PCM1: variants seen among roughly 807,000 people sequenced by gnomAD.
PCM1 encodes the protein pericentriolar material 1 protein.
In PCM1, 157 loss-of-function variants were observed where a neutral mutation model predicts 241.9. The ratio of observed to expected loss-of-function variants is 0.65; its 90% CI spans 0.57 to 0.74. The LOEUF (loss-of-function observed/expected upper bound fraction) is 0.74. PCM1 is among the 30% of genes least tolerant of loss of function. The probability of loss-of-function intolerance (pLI) is 0.00; values close to 1 mark genes in which losing one functional copy is unlikely to be tolerated. For missense variants in PCM1, 3,478 were observed against 2,360.1 expected (o/e 1.47, Z -9.81); for synonymous variants, 1,085 against 784.9 (o/e 1.38, Z -6.39).
chr8:18,028,434 T>A lies in PCM1; in HGVS notation c.*772T>A. Reference sequence around the variant, plus strand: ...GAGATTTCTGCACAGAGAAGTAACATTGTGGTTAATTTTAAATGAAAAACT... The same window carrying A: ...GAGATTTCTGCACAGAGAAGTAACAATGTGGTTAATTTTAAATGAAAAACT... On this transcript the variant is annotated 3_prime_UTR_variant, in exon 39 of 39. Coordinates refer to ENST00000325083, the MANE Select transcript of PCM1 (RefSeq NM_006197.4). 5.2e-6 allele frequency: 1 copy of A among 193,300 alleles called. No individual in the cohort carries two copies. The highest frequency in any genetic ancestry group is 1.1e-5 in the Non-Finnish European group (1 of 92,528). The allele number at this position is 193,300 out of a possible 1,614,324, so 12.0% of individuals were successfully genotyped here. A position where few individuals can be genotyped will look rare whatever the true frequency, so the allele number is the denominator to read the frequency against.
Position 17,960,454 on chromosome 8 carries a change from A to C in PCM1, c.2322+10A>C, listed in dbSNP as rs1378249440. On this transcript the variant is annotated intron_variant, in intron 15 of 38. Coordinates refer to ENST00000325083, the MANE Select transcript of PCM1 (RefSeq NM_006197.4). ...ATGCCCTGACTTACAGGTAATTATGAAATTTATTTCTAATTGTCTGAAAAA... is the reference window on the plus strand; with the variant it reads ...ATGCCCTGACTTACAGGTAATTATGCAATTTATTTCTAATTGTCTGAAAAA... 2.5e-6 allele frequency: 4 copies of C among 1,572,976 alleles called. No homozygotes were observed. The highest frequency in any genetic ancestry group is 2.8e-5 in the African/African-American group (2 of 71,614).
chr8:18,021,639 G>A (rs2093763105), intron 36 of PCM1, among the ~76,000 whole-genome samples: 1 of 152,170 alleles, frequency 6.6e-6, no homozygotes, highest in African/African-American at 2.4e-5. Context: ...CAAACTCGGT[G>A]GCACTACCAT....
At chr8:17,966,292 C>T (rs1351652208) in intron 19 of PCM1, 36 bp from the exon 20 acceptor site, 9 of 1,609,756 alleles carry the variant, frequency 5.6e-6, no homozygotes, top group East Asian at 2.2e-5. Context: ...TTTCTCAAGT[C>T]ATCAGTAACT....
chr8:17,962,155 C>G lies in PCM1; in HGVS notation c.2444C>G (p.Ser815Cys), dbSNP rs368314134. The G allele has an allele frequency of 5.7e-5, 92 of 1,606,568 alleles. No individual in the cohort carries two copies. In the African/African-American group the frequency reaches 1.1e-3, roughly 19 times the overall value. ...TSKSVFEPED[S>C]SIVDNELWSE... ...AAATCTGTTTTTGAGCCTGAAGATT[C>G]TTCAATAGTAGATAATGAGGTATTG... is the stretch of plus-strand genomic sequence containing the variant. The change falls in exon 16 of 39, where the codon TCT becomes TGT. Residue 815 changes from serine to cysteine, a missense_variant. Transcript: ENST00000325083.
At chr8:17,987,383 G>A (rs2082956529) in intron 26 of PCM1, among the ~76,000 whole-genome samples, 1 of 151,714 alleles carries the variant, frequency 6.6e-6, no homozygotes, top group South Asian at 2.1e-4. Context: ...TAATTCCAGT[G>A]CTTTCACTTT....
chr8:17,953,258 G>C, intron 9 of PCM1, 72 bp downstream of exon 9: 2 of 724,084 alleles, frequency 2.8e-6, no homozygotes, highest in South Asian at 2.7e-5. Flanking sequence ...AATAAATTTA[G>C]TATTTGGTGA....
At chr8:18,005,937 A>C (rs2091177301) in intron 29 of PCM1, 1 of 195,332 alleles carries the variant, frequency 5.1e-6, no homozygotes. Context: ...AAACAGAAAG[A>C]TTGGCAAAAT....
intron 36 of PCM1, among the ~76,000 whole-genome samples, chr8:18,021,873 G>A (rs764216448): frequency 6.6e-6 from 1 of 152,120 alleles, no homozygotes; most frequent in Non-Finnish European, 1.5e-5. Flanking sequence ...ACCTGTATTT[G>A]TTAGCTCTGA....
intron 29 of PCM1, among the ~76,000 whole-genome samples, chr8:17,997,753 C>T (rs2087438203): frequency 6.6e-6 from 1 of 151,694 alleles, no homozygotes; most frequent in Non-Finnish European, 1.5e-5. Flanking sequence ...CGGCCAGGTG[C>T]TATGGCTCAC....
At position 18,029,156 on chromosome 8, in the gene PCM1, CAAAAAAAAAA is replaced by C. The variant is rs11333913; in HGVS notation, c.*1511_*1520del. The C allele has an allele frequency of 6.9e-4, 39 of 56,404 alleles. No homozygotes were observed. The highest frequency in any genetic ancestry group is 0.013 in the Middle Eastern group (1 of 76). The allele number at this position is 56,404 out of a possible 1,614,324, so 3.5% of individuals were successfully genotyped here. A position where few individuals can be genotyped will look rare whatever the true frequency, so the allele number is the denominator to read the frequency against. On this transcript the variant is annotated 3_prime_UTR_variant, in exon 39 of 39. Coordinates refer to ENST00000325083, the MANE Select transcript of PCM1 (RefSeq NM_006197.4). Reference sequence around the variant, plus strand: ...CTGGCAACAGAGCGAGACTCTGTCTCAAAAAAAAAAAAAAAAAAAAAAAAAAGTTAACTTG... The same window carrying C: ...CTGGCAACAGAGCGAGACTCTGTCTCAAAAAAAAAAAAAAAAGTTAACTTG...
chr8:17,960,428 C>T lies in PCM1; in HGVS notation c.2306C>T (p.Ala769Val). Reference protein sequence around the residue: ...IQEKIQALQTACPDLQLSAAS... With the variant: ...IQEKIQALQTVCPDLQLSAAS... ...GAGAAAATTCAAGCATTGCAAACGG[C>T]ATGCCCTGACTTACAGGTAATTATG... The change falls in exon 15 of 39, where the codon GCA (alanine) becomes GTA (valine). Residue 769 changes from alanine (A) to valine (V), a missense_variant. By Grantham distance (64) the Ala-to-Val change is moderately conservative. Transcript: ENST00000325083. The T allele has an allele frequency of 6.3e-7, 1 of 1,596,920 alleles. No homozygotes were observed. The highest frequency in any genetic ancestry group is 8.5e-7 in the Non-Finnish European group (1 of 1,174,240).
chr8:18,006,209 C>CT, intron 29 of PCM1, 54 bp from the exon 30 acceptor site: 1 of 1,407,446 alleles, frequency 7.1e-7, no homozygotes, highest in Non-Finnish European at 9.6e-7. Context: ...GATTGATTTT[C>CT]TTTTTTTAAA....
chr8:18,004,940 C>T (rs2090819956), intron 29 of PCM1, among the ~76,000 whole-genome samples: 2 of 152,186 alleles, frequency 1.3e-5, no homozygotes, highest in Admixed American at 1.3e-4. Context: ...TGCTTTCCCC[C>T]TCTAGCTACT....
chr8:17,985,780 C>G (rs766239236), intron 25 of PCM1, among the ~76,000 whole-genome samples, 161 bp downstream of exon 25: 6 of 151,704 alleles, frequency 4.0e-5, no homozygotes, highest in East Asian at 1.9e-4. Context: ...GCTTAAGTAG[C>G]ATTAAAGTAT....
At chr8:17,934,540 C>T (rs112341856) in intron 2 of PCM1, among the ~76,000 whole-genome samples, 4 of 152,164 alleles carry the variant, frequency 2.6e-5, no homozygotes, top group East Asian at 1.9e-4. Flanking sequence ...GGATTACAGG[C>T]GTGAGCCACT....
intron 35 of PCM1, among the ~76,000 whole-genome samples, chr8:18,014,238 G>A (rs991756933): frequency 6.6e-6 from 1 of 151,960 alleles, no homozygotes; most frequent in Non-Finnish European, 1.5e-5. Flanking sequence ...AAGAAAAGGT[G>A]ACAAATATTT....
At position 17,931,115 on chromosome 8, in the gene PCM1, A is replaced by C. The variant is rs545015110; in HGVS notation, c.-22-4474A>C. Among the ~76,000 whole-genome samples, 5 of 152,308 alleles carry C rather than the reference A, an allele frequency of 3.3e-5. No individual in the cohort carries two copies. In the South Asian group the frequency reaches 1.0e-3, roughly 32 times the overall value. On this transcript the variant is annotated intron_variant, in intron 2 of 38. Transcript: ENST00000325083. ...TTTTGTTTTAAAAAATACTAAAAAA[A>C]TCATCTGTTTTTCCCAAACTAATTA...
rs1308701028 is a variant in PCM1, at chr8:17,966,440, C to G, written c.3188C>G (p.Thr1063Ser). ...FIMHQLNQCY[T>S]QLTWQQNNVQ... ...ATGCACCAGTTGAACCAGTGCTATA[C>G]TCAGCTAACATGGCAACAGAATAAT... The change falls in exon 20 of 39, where the codon ACT becomes AGT. Residue 1063 changes from threonine (T) to serine (S), a missense_variant. Thr to Ser is a moderately conservative substitution (Grantham distance 58). Transcript: ENST00000325083. 6 of 1,613,718 alleles carry G rather than the reference C, an allele frequency of 3.7e-6. No individual in the cohort carries two copies. The East Asian group carries it at 1.3e-4, about 36-fold the overall frequency.
chr8:18,017,397 A>G (rs940325551), intron 36 of PCM1, among the ~76,000 whole-genome samples: 2 of 152,242 alleles, frequency 1.3e-5, no homozygotes, highest in African/African-American at 2.4e-5. Flanking sequence ...AGTCACTGAT[A>G]TGGCTATATT....
Sources: gnomAD v4.1 joint callset for allele counts (sites outside exome capture counted in the v4.1 genomes callset) on GRCh38, gnomAD v4.1.1 for gene constraint, MANE v1.5 for transcripts, NCBI Gene and HGNC (gene_info 2026-07-23, HGNC 2026-07-21) for gene names.